SUCLG2: variants seen among roughly 807,000 people sequenced by gnomAD.
SUCLG2 encodes succinate--CoA ligase [GDP-forming] subunit beta, mitochondrial.
In SUCLG2, 42 loss-of-function variants were observed where a neutral mutation model predicts 47.9. That is an observed-to-expected ratio of 0.88 (90% CI 0.69 to 1.14). SUCLG2 has a LOEUF of 1.14. SUCLG2 is among the 50% of genes most tolerant of loss of function. SUCLG2 has a pLI of 0.00. For synonymous variants in SUCLG2, 195 were observed against 197.3 expected, an observed-to-expected ratio of 0.99 and a Z score of 0.10; for missense variants, 571 against 525.9, an observed-to-expected ratio of 1.09 and a Z score of -0.84.
chr3:67,528,235 G>C lies in SUCLG2; in HGVS notation c.327-13C>G. ...CACAACATTAGGGCTAAGAGAAAGA[G>C]AAAACAAGCAGAAAATGAATGTTTG... On this transcript the variant is annotated splice_polypyrimidine_tract_variant and intron_variant, in intron 3 of 10. Coordinates refer to ENST00000307227, the MANE Select transcript of SUCLG2 (RefSeq NM_003848.4). The C allele has an allele frequency of 6.2e-7, 1 of 1,610,026 alleles. No individual in the cohort carries two copies. Among genetic ancestry groups the C allele is most frequent in the Admixed American group, 1.7e-5 (1 of 59,868 alleles).
chr3:67,500,685 C>T (rs1233652474), intron 7 of SUCLG2, among the ~76,000 whole-genome samples: 1 of 152,144 alleles, frequency 6.6e-6, no homozygotes, highest in Admixed American at 6.5e-5. Context: ...TTTATAAATG[C>T]ATTCTAATTA....
At chr3:67,509,879 T>A (rs1401068392) in intron 6 of SUCLG2, among the ~76,000 whole-genome samples, 3 of 152,172 alleles carry the variant, frequency 2.0e-5, no homozygotes, top group Admixed American at 2.0e-4. Flanking sequence ...AGAAGGTGAC[T>A]CTTACAGGCT....
intron 9 of SUCLG2, among the ~76,000 whole-genome samples, chr3:67,477,647 A>G (rs890800436): frequency 1.1e-4 from 16 of 152,210 alleles, no homozygotes; most frequent in Admixed American, 1.0e-3. Context: ...GTGATCTGAG[A>G]TCAAGCCACT....
intron 2 of SUCLG2, among the ~76,000 whole-genome samples, chr3:67,589,022 C>T (rs1708093350): frequency 6.6e-6 from 1 of 152,178 alleles, no homozygotes; most frequent in Non-Finnish European, 1.5e-5. Context: ...TCCCTCTAAC[C>T]CCATCTCCTT....
chr3:67,549,207 T>A (rs1451124649), intron 2 of SUCLG2, among the ~76,000 whole-genome samples: 3 of 152,322 alleles, frequency 2.0e-5, no homozygotes, highest in African/African-American at 7.2e-5. Flanking sequence ...TGGAAATACT[T>A]GCAACCTCCA....
intron 2 of SUCLG2, among the ~76,000 whole-genome samples, chr3:67,568,819 G>A (rs1391977175): frequency 6.6e-6 from 1 of 152,042 alleles, no homozygotes; most frequent in African/African-American, 2.4e-5. Context: ...CCCGGGAGGC[G>A]GAGCTTGCAG....
chr3:67,368,393 CTATTA>C (rs1412019744), intron 10 of SUCLG2, among the ~76,000 whole-genome samples: 3 of 151,976 alleles, frequency 2.0e-5, no homozygotes, highest in African/African-American at 4.8e-5. Flanking sequence ...AACTTTTATT[CTATTA>C]TATCTTTAAA....
intron 9 of SUCLG2, among the ~76,000 whole-genome samples, chr3:67,443,020 G>C (rs1490059892): frequency 6.6e-6 from 1 of 152,134 alleles, no homozygotes; most frequent in Non-Finnish European, 1.5e-5. Context: ...GGACGGTTTT[G>C]CCTGTGCTTA....
intron 9 of SUCLG2, among the ~76,000 whole-genome samples, chr3:67,449,776 G>A (rs1009531665): frequency 1.3e-5 from 2 of 151,928 alleles, no homozygotes; most frequent in Admixed American, 1.3e-4. Flanking sequence ...ACCATGCCCA[G>A]CTAATTTGTG....
chr3:67,420,093 T>C (rs991401582), intron 9 of SUCLG2, among the ~76,000 whole-genome samples: 1 of 152,202 alleles, frequency 6.6e-6, no homozygotes, highest in Non-Finnish European at 1.5e-5. Context: ...AACCAACTTA[T>C]CTGCAAAGCA....
At position 67,588,310 on chromosome 3, in the gene SUCLG2, C is replaced by A. The variant is rs146010485; in HGVS notation, c.226+21145G>T. ...TCAAAAAATTTTAAGTTGCTAAATG[C>A]TCCTAAATTGAGGTACTCTAATATG... On this transcript the variant is annotated intron_variant, in intron 2 of 10. Coordinates refer to ENST00000307227, the MANE Select transcript of SUCLG2 (RefSeq NM_003848.4). Among the ~76,000 whole-genome samples the A allele has an allele frequency of 2.9e-3, 447 of 152,266 alleles. 1 individual carries two copies. Among genetic ancestry groups the A allele is most frequent in the African/African-American group, 0.01 (434 of 41,542 alleles).
At chr3:67,440,239 A>G (rs1703727146) in intron 9 of SUCLG2, among the ~76,000 whole-genome samples, 1 of 152,266 alleles carries the variant, frequency 6.6e-6, no homozygotes, top group African/African-American at 2.4e-5. Flanking sequence ...CTCAAGATGA[A>G]TTAAAGTCTT....
intron 1 of SUCLG2, among the ~76,000 whole-genome samples, chr3:67,611,944 T>C (rs1700534881): frequency 6.6e-6 from 1 of 152,226 alleles, no homozygotes; most frequent in Non-Finnish European, 1.5e-5. Flanking sequence ...GACACCCGGC[T>C]ATCACTCCAC....
intron 2 of SUCLG2, among the ~76,000 whole-genome samples, chr3:67,537,568 C>T (rs1305101155): frequency 6.6e-6 from 1 of 152,178 alleles, no homozygotes; most frequent in Non-Finnish European, 1.5e-5. Context: ...GATTTATAAT[C>T]CTTTGGGTAT....
intron 9 of SUCLG2, among the ~76,000 whole-genome samples, chr3:67,404,583 C>T (rs1167700785): frequency 1.3e-5 from 2 of 151,972 alleles, no homozygotes; most frequent in African/African-American, 4.8e-5. Context: ...CACGATACAC[C>T]ACAGCACCCT....
At chr3:67,422,000 A>G (rs964365139) in intron 9 of SUCLG2, among the ~76,000 whole-genome samples, 27 of 152,320 alleles carry the variant, frequency 1.8e-4, no homozygotes, top group African/African-American at 6.3e-4. Flanking sequence ...GTCCACATGT[A>G]TATAGTACAG....
At chr3:67,498,075 AG>A (rs1705396048) in intron 8 of SUCLG2, 58 bp downstream of exon 8, 2 of 1,495,874 alleles carry the variant, frequency 1.3e-6, no homozygotes, top group African/African-American at 1.4e-5. Flanking sequence ...TCAGAAATCA[AG>A]GTTTCCTAAA....
At chr3:67,514,584 T>C (rs528943285) in intron 6 of SUCLG2, among the ~76,000 whole-genome samples, 12 of 152,330 alleles carry the variant, frequency 7.9e-5, no homozygotes. Flanking sequence ...GCACTCATGT[T>C]TTCAGAAATG....
intron 10 of SUCLG2, chr3:67,376,394 C>G: frequency 1.0e-6 from 1 of 985,420 alleles, no homozygotes; most frequent in Non-Finnish European, 1.2e-6. Flanking sequence ...AATCTCTTGA[C>G]TGTTCCTGGT....
Sources: gnomAD v4.1 joint callset for allele counts (sites outside exome capture counted in the v4.1 genomes callset) on GRCh38, gnomAD v4.1.1 for gene constraint, MANE v1.5 for transcripts, NCBI Gene and HGNC (gene_info 2026-07-23, HGNC 2026-07-21) for gene names.